The following MACF1 variants were observed in gnomAD, a reference collection of about 807,000 sequenced individuals.
MACF1 encodes microtubule actin crosslinking factor 1.
In MACF1, 193 loss-of-function variants were observed where a neutral mutation model predicts 854.8. The observed-to-expected ratio is 0.23, with a 90% CI of 0.20 to 0.25. The LOEUF (loss-of-function observed/expected upper bound fraction) is 0.25. MACF1 is among the 10% of genes least tolerant of loss of function. The pLI is 1.00. For synonymous variants in MACF1, 3,185 were observed against 3,226.7 expected, an observed-to-expected ratio of 0.99 and a Z score of 0.44; for missense variants, 7,722 against 8,929.1, an observed-to-expected ratio of 0.86 and a Z score of 5.45.
chr1:39,460,227 G>A lies in MACF1; in HGVS notation c.21361-405G>A, dbSNP rs1281236854. On this transcript the variant is annotated intron_variant, in intron 91 of 100. Coordinates refer to ENST00000564288, the MANE Select transcript of MACF1 (RefSeq NM_001394062.1). This position sits in a 1 kb window ranked among gnomAD's most constrained non-coding sequence, Gnocchi z 4.1. Reference sequence around the variant, plus strand: ...ACGAGCCTCCTGATATGAGCCCTATGTGTGATTATAATGCCTTTCAAAACA... The same window carrying A: ...ACGAGCCTCCTGATATGAGCCCTATATGTGATTATAATGCCTTTCAAAACA... 6.6e-6 allele frequency among the ~76,000 whole-genome samples: 1 copy of A among 152,178 alleles called. No individual in the cohort carries two copies. The highest frequency in any genetic ancestry group is 1.5e-5 in the Non-Finnish European group (1 of 68,038).
chr1:39,254,331 C>T lies in MACF1; in HGVS notation c.391C>T (p.Leu131=). 1.2e-6 allele frequency: 2 copies of T among 1,614,150 alleles called. No individual in the cohort carries two copies. The change falls in exon 5 of 101, where the codon CTG becomes TTG. Residue 131 remains leucine (L), a synonymous_variant. Coordinates refer to ENST00000564288, the MANE Select transcript of MACF1 (RefSeq NM_001394062.1). ...GAAGGGCAGGATGCGTTTTCATAGG[C>T]TGCAGAATGTGCAGATTGCCCTGGA... The part of the protein sequence containing the change: ...REKGRMRFHR[L]QNVQIALDFL...
chr1:39,120,654 A>G (rs900866509), intron 2 of MACF1, among the ~76,000 whole-genome samples: 9 of 152,012 alleles, frequency 5.9e-5, no homozygotes, highest in Non-Finnish European at 1.2e-4. Context: ...GAGCCACCAC[A>G]CCCGGCCAAC....
intron 3 of MACF1, chr1:39,250,328 G>A (rs1451766727): frequency 4.4e-5 from 15 of 339,274 alleles, no homozygotes; most frequent in Non-Finnish European, 7.4e-5. Context: ...GATGAAATGA[G>A]AAATTAGTTA....
chr1:39,163,919 C>T (rs1414617004), intron 2 of MACF1, among the ~76,000 whole-genome samples: 3 of 152,060 alleles, frequency 2.0e-5, no homozygotes, highest in South Asian at 2.1e-4. Context: ...ATAAAATCAC[C>T]GAAATCCTAC....
rs1649102620 is a variant in MACF1, at chr1:39,370,159, G to A, written c.13068G>A (p.Glu4356=). ...PPTETSMSAK[E]LEKQIEHLKS... ...CGGAAACTTCTATGAGTGCTAAAGAGTTAGAAAAGCAGATTGAACACCTGA... is the reference window on the plus strand; with the variant it reads ...CGGAAACTTCTATGAGTGCTAAAGAATTAGAAAAGCAGATTGAACACCTGA... Residue 4356 remains glutamate, a synonymous_variant, in exon 51 of 101, where the codon GAG becomes GAA. Transcript: ENST00000564288. 1 of 1,612,252 alleles carries A rather than the reference G, an allele frequency of 6.2e-7. No individual in the cohort carries two copies. The highest frequency in any genetic ancestry group is 8.5e-7 in the Non-Finnish European group (1 of 1,179,410).
rs1557571186 is a variant in MACF1, at chr1:39,296,750, GAAA to G, written c.2355+869_2356-867del. 1.7e-3 allele frequency among the ~76,000 whole-genome samples: 107 copies of G among 61,634 alleles called. 4 individuals are homozygous for G. The highest frequency in any genetic ancestry group is 2.4e-3 in the Non-Finnish European group (66 of 27,360). 40.4% of individuals were successfully genotyped at this position (61,634 alleles called of 152,430 possible). A position where few individuals can be genotyped will look rare whatever the true frequency, so the allele number is the denominator to read the frequency against. The stretch of plus-strand genomic sequence containing the variant: ...AAATAAAAAGAAAGAAAGAAAGAAA[GAAA>G]GGAAGGAAGGAAGGAAGGAAAAGAA... On this transcript the variant is annotated intron_variant, in intron 20 of 100. Transcript: ENST00000564288.
chr1:39,430,130 T>C, intron 65 of MACF1, 62 bp downstream of exon 65: 1 of 1,535,340 alleles, frequency 6.5e-7, no homozygotes, highest in Non-Finnish European at 8.8e-7. Flanking sequence ...ATCCTTAAGT[T>C]TTATCAACCT....
intron 38 of MACF1, among the ~76,000 whole-genome samples, chr1:39,337,781 T>G (rs1426021293): frequency 8.6e-5 from 13 of 151,060 alleles, no homozygotes; most frequent in South Asian, 6.3e-4. Context: ...GTGTGTGTTT[T>G]TTTTTTGAGA....
At chr1:39,093,875 C>T (rs1641873262) in intron 2 of MACF1, among the ~76,000 whole-genome samples, 1 of 151,632 alleles carries the variant, frequency 6.6e-6, no homozygotes, top group Non-Finnish European at 1.5e-5. Context: ...GCAACCTCTG[C>T]CTCCCGGGTT....
intron 58 of MACF1, among the ~76,000 whole-genome samples, chr1:39,391,831 G>T (rs1016147722): frequency 5.3e-5 from 8 of 152,148 alleles, no homozygotes; most frequent in Non-Finnish European, 1.0e-4. Context: ...AGCCAAATTC[G>T]TTTCACTGAT....
chr1:39,361,055 C>A, intron 48 of MACF1, 54 bp downstream of exon 48: 2 of 1,456,252 alleles, frequency 1.4e-6, no homozygotes, highest in South Asian at 1.2e-5. Context: ...TATGTGCCAT[C>A]ATTACATAAT....
intron 2 of MACF1, among the ~76,000 whole-genome samples, chr1:39,183,226 T>C (rs149008062): frequency 9.2e-4 from 140 of 152,278 alleles, no homozygotes; most frequent in African/African-American, 3.0e-3. Context: ...CTAATTGATA[T>C]AGGGTTTCTT....
chr1:39,295,254 C>A, intron 19 of MACF1, 104 bp downstream of exon 19: 1 of 922,476 alleles, frequency 1.1e-6, no homozygotes, highest in South Asian at 1.5e-5. Context: ...GAGGAAGTGT[C>A]AGGGAACATT....
chr1:39,435,715 G>T lies in MACF1; in HGVS notation c.17942G>T (p.Arg5981Leu). 3.7e-6 allele frequency: 6 copies of T among 1,614,138 alleles called. No individual in the cohort carries two copies. Among genetic ancestry groups the T allele is most frequent in the Non-Finnish European group, 5.1e-6 (6 of 1,180,014 alleles). The change falls in exon 70 of 101, where the codon CGC becomes CTC. Residue 5981 changes from arginine (R) to leucine (L), a missense_variant. Physicochemically the swap from Arg to Leu is moderately radical, Grantham distance 102 (BLOSUM62 -2). Transcript: ENST00000564288. ...NMYAQIKEEV[R>L]QRALALDEAV... is the part of the protein sequence containing the mutation. ...TATGCCCAAATAAAGGAGGAGGTGC[G>T]CCAGCGAGCCCTGGCTCTGGATGAA...
chr1:39,254,642 G>C (rs146106881), intron 5 of MACF1: 37 of 391,986 alleles, frequency 9.4e-5, no homozygotes, highest in African/African-American at 7.0e-4. Flanking sequence ...ATGCACCTTA[G>C]GTGGGGGTCA....
rs763756273 is a variant in MACF1, at chr1:39,361,588, C to G, written c.12682C>G (p.Leu4228Val). The change falls in exon 49 of 101, where the codon CTG (leucine) becomes GTG (valine). Residue 4228 changes from leucine (L) to valine (V), a missense_variant. Physicochemically the swap from Leu to Val is conservative, Grantham distance 32 (BLOSUM62 1). Transcript: ENST00000564288. ...GATGTTTGAACACCTCTCTGGTAAG[C>G]TGCAGCAGTTCATGGAAAACAAAAG... The part of the protein sequence containing the change: ...AEMFEHLSGK[L>V]QQFMENKSRM... 1 of 1,614,198 alleles carries G rather than the reference C, an allele frequency of 6.2e-7. No individual in the cohort carries two copies. The highest frequency in any genetic ancestry group is 8.5e-7 in the Non-Finnish European group (1 of 1,180,034).
At chr1:39,412,651 G>C (rs750999920) in intron 58 of MACF1, 1 of 1,614,008 alleles carries the variant, frequency 6.2e-7, no homozygotes, top group Non-Finnish European at 8.5e-7. Flanking sequence ...AGAGGGAGGG[G>C]AGATGGAAAG....
intron 85 of MACF1, 47 bp from the exon 86 acceptor site, chr1:39,452,109 C>T: frequency 2.0e-6 from 3 of 1,479,368 alleles, no homozygotes; most frequent in Non-Finnish European, 2.8e-6. Context: ...GTTTCTTGGA[C>T]TCAAAACATT....
At chr1:39,465,683 G>A (rs576874746) in intron 95 of MACF1, among the ~76,000 whole-genome samples, 7 of 152,274 alleles carry the variant, frequency 4.6e-5, no homozygotes, top group Non-Finnish European at 5.9e-5. Context: ...TGGATGCTTT[G>A]ACTCCACTTG....
Sources: gnomAD v4.1 joint callset for allele counts (sites outside exome capture counted in the v4.1 genomes callset) on GRCh38, gnomAD v4.1.1 for gene constraint, Gnocchi (gnomAD v3.1) non-coding constraint, MANE v1.5 for transcripts, NCBI Gene and HGNC (gene_info 2026-07-23, HGNC 2026-07-21) for gene names.